The following LRRC37A2 variants were observed in gnomAD, a reference collection of about 807,000 sequenced individuals.
LRRC37A2 encodes leucine-rich repeat-containing protein 37A2.
In LRRC37A2, 9 loss-of-function variants were observed where a neutral mutation model predicts 68.8. That is an observed-to-expected ratio of 0.13 (90% CI 0.08 to 0.23). The LOEUF is 0.23. LRRC37A2 is among the 10% of genes least tolerant of loss of function. The probability of loss-of-function intolerance (pLI) is 1.00; values close to 1 mark genes in which losing one functional copy is unlikely to be tolerated. For missense variants in LRRC37A2, 168 were observed against 950.4 expected, an observed-to-expected ratio of 0.18 and a Z score of 10.82; for synonymous variants, 63 against 367.6, an observed-to-expected ratio of 0.17 and a Z score of 9.48.
At chr17:46,848,639 A>T in the LRRC37A2 span, among the ~76,000 whole-genome samples, 1 of 152,242 alleles carries the variant, frequency 6.6e-6, no homozygotes, top group Non-Finnish European at 1.5e-5. Context: ...TAGGAGGTAC[A>T]CGATGCTCTG....
chr17:47,047,927 C>T, the LRRC37A2 span, among the ~76,000 whole-genome samples: 1 of 151,124 alleles, frequency 6.6e-6, no homozygotes, highest in Admixed American at 6.6e-5. Context: ...AACTTCATGA[C>T]TTCTAAAATG....
At chr17:46,912,460 A>G in the LRRC37A2 span, among the ~76,000 whole-genome samples, 1 of 152,156 alleles carries the variant, frequency 6.6e-6, no homozygotes, top group Non-Finnish European at 1.5e-5. Flanking sequence ...TGTTTACAAT[A>G]CACTGGTTTT....
the LRRC37A2 span, among the ~76,000 whole-genome samples, chr17:46,976,010 T>G: frequency 6.6e-6 from 1 of 151,964 alleles, no homozygotes; most frequent in Non-Finnish European, 1.5e-5. Flanking sequence ...CACTGCAAGC[T>G]CCGCCTCCCG....
the LRRC37A2 span, among the ~76,000 whole-genome samples, chr17:46,583,342 C>T: frequency 1.3e-5 from 1 of 77,466 alleles, no homozygotes; most frequent in South Asian, 5.4e-4. Flanking sequence ...GTCACCCAGG[C>T]TGGAGTGCGG....
chr17:46,894,366 C>A, the LRRC37A2 span, among the ~76,000 whole-genome samples: 1 of 152,228 alleles, frequency 6.6e-6, no homozygotes, highest in South Asian at 2.1e-4. Context: ...GGTCAGCCTA[C>A]CCGACCTTGG....
chr17:46,923,846 C>G, the LRRC37A2 span: 18 of 398,548 alleles, frequency 4.5e-5, no homozygotes, highest in Middle Eastern at 6.2e-4. Context: ...CCTGCACTTT[C>G]GGAATTGCTG....
the LRRC37A2 span, among the ~76,000 whole-genome samples, chr17:46,913,035 G>A: frequency 1.3e-5 from 2 of 152,240 alleles, no homozygotes; most frequent in African/African-American, 4.8e-5. Flanking sequence ...CCATGAGGCG[G>A]ATGGGAGCAC....
At chr17:47,022,043 C>G in the LRRC37A2 span, 1 of 853,512 alleles carries the variant, frequency 1.2e-6, no homozygotes, top group Non-Finnish European at 1.9e-6. Flanking sequence ...CCAAATCAAC[C>G]ACTGTTGACT....
At chr17:46,807,911 G>A in the LRRC37A2 span, among the ~76,000 whole-genome samples, 6 of 152,174 alleles carry the variant, frequency 3.9e-5, no homozygotes, top group East Asian at 1.9e-4. Flanking sequence ...CTGGCTCCTC[G>A]GGGAGAAATA....
At chr17:46,714,546 G>C in the LRRC37A2 span, among the ~76,000 whole-genome samples, 1 of 152,150 alleles carries the variant, frequency 6.6e-6, no homozygotes, top group South Asian at 2.1e-4. Context: ...TACCATCAGT[G>C]AAGTTAGAAC....
chr17:46,742,940 G>A, the LRRC37A2 span, among the ~76,000 whole-genome samples: 1 of 152,194 alleles, frequency 6.6e-6, no homozygotes, highest in African/African-American at 2.4e-5. Flanking sequence ...GCCAGGTTAA[G>A]TGATAGACCA....
the LRRC37A2 span, among the ~76,000 whole-genome samples, chr17:46,598,753 A>G: frequency 7.9e-3 from 1,206 of 151,908 alleles, 7 homozygotes; most frequent in African/African-American, 0.028. Flanking sequence ...GGTGAATGAC[A>G]TCATTACCAA....
At chr17:46,923,201 C>A in the LRRC37A2 span, 5 of 1,548,502 alleles carry the variant, frequency 3.2e-6, no homozygotes, top group Non-Finnish European at 3.5e-6. Context: ...ACATGGATCC[C>A]CTGTTCCAGC....
chr17:46,880,312 C>T, the LRRC37A2 span, among the ~76,000 whole-genome samples: 3 of 152,346 alleles, frequency 2.0e-5, no homozygotes, highest in East Asian at 5.8e-4. Context: ...CCTTTCTCAA[C>T]AACCATGAAC....
At chr17:46,821,570 C>T in the LRRC37A2 span, among the ~76,000 whole-genome samples, 8 of 152,132 alleles carry the variant, frequency 5.3e-5, no homozygotes, top group African/African-American at 9.7e-5. Context: ...GAAGGGAGGG[C>T]GGGGTGGAGG....
the LRRC37A2 span, among the ~76,000 whole-genome samples, chr17:46,927,240 G>A: frequency 6.6e-6 from 1 of 151,746 alleles, no homozygotes; most frequent in Admixed American, 6.6e-5. Flanking sequence ...TTGACTTTTT[G>A]TATTGATTTG....
chr17:47,010,391 C>T, the LRRC37A2 span: 1 of 152,270 alleles, frequency 6.6e-6, no homozygotes, highest in Non-Finnish European at 1.5e-5. Context: ...AGAAGGAGTT[C>T]CCCCAAAGGT....
chr17:46,769,600 G>C, the LRRC37A2 span, among the ~76,000 whole-genome samples: 1 of 152,176 alleles, frequency 6.6e-6, no homozygotes, highest in African/African-American at 2.4e-5. Context: ...AACTGCCCAA[G>C]GAGGAAGGAG....
the LRRC37A2 span, among the ~76,000 whole-genome samples, chr17:46,986,972 G>A: frequency 3.3e-5 from 5 of 152,122 alleles, no homozygotes; most frequent in Non-Finnish European, 5.9e-5. Context: ...CAGGCCAGGG[G>A]GGGTGGCTCA....
Sources: gnomAD v4.1 joint callset for allele counts (sites outside exome capture counted in the v4.1 genomes callset) on GRCh38, gnomAD v4.1.1 for gene constraint, MANE v1.5 for transcripts, NCBI Gene and HGNC (gene_info 2026-07-23, HGNC 2026-07-21) for gene names.